The following PDZD7 variants were observed in gnomAD, a reference collection of about 807,000 sequenced individuals.
PDZD7 encodes the protein PDZ domain-containing protein 7.
Under a neutral mutation model 84.7 loss-of-function variants are expected in PDZD7, and 72 were observed. That is an observed-to-expected ratio of 0.85 (90% confidence interval 0.70 to 1.03). The LOEUF (loss-of-function observed/expected upper bound fraction) is 1.03, where lower values mean the gene tolerates loss of function less well. Ranked by LOEUF, PDZD7 falls within the 50% of genes least tolerant of loss-of-function variation. PDZD7 has a pLI of 0.00. For synonymous variants in PDZD7, 594 were observed against 580.7 expected (o/e 1.02, Z -0.33); for missense variants, 1,490 against 1,412.9 (o/e 1.05, Z -0.87).
chr10:101,017,836 AAGG>A, intron 9 of PDZD7: 1 of 176,280 alleles, frequency 5.7e-6, no homozygotes, highest in Non-Finnish European at 1.2e-5. Flanking sequence ...GGAAGGAAGG[AAGG>A]AAAGAAAGAA....
At position 101,010,558 on chromosome 10, in the gene PDZD7, A is replaced by ACGGCTG. The variant is rs1491136099; in HGVS notation, c.2325_2330dup (p.Arg783_Ser784dup). 9.0e-5 allele frequency: 130 copies of ACGGCTG among 1,440,946 alleles called. No individual in the cohort carries two copies. Among genetic ancestry groups the ACGGCTG allele is most frequent in the African/African-American group, 7.4e-4 (50 of 67,480 alleles). 89.3% of individuals were successfully genotyped at this position (1,440,946 alleles called of 1,614,324 possible). ...GGCTGCTGCGGCTGCGGCTGCGGCT[A>ACGGCTG]CGGCTGCGGCTACGGCTCTGAGCCC... On this transcript the variant is annotated inframe_insertion, in exon 15 of 17. Transcript: ENST00000619208.
intron 9 of PDZD7, chr10:101,017,449 A>C: frequency 1.9e-6 from 1 of 519,468 alleles, no homozygotes; most frequent in Non-Finnish European, 3.4e-6. Flanking sequence ...CTGGTCTTAA[A>C]CTCCTGGGCT....
chr10:101,029,544 T>C (rs192566396), intron 2 of PDZD7, among the ~76,000 whole-genome samples: 59 of 152,348 alleles, frequency 3.9e-4, no homozygotes, highest in African/African-American at 1.3e-3. Context: ...GTCTACCCGC[T>C]TGGGCACTGA....
At chr10:101,027,431 G>T (rs1166215499) in intron 2 of PDZD7, among the ~76,000 whole-genome samples, 1 of 152,126 alleles carries the variant, frequency 6.6e-6, no homozygotes, top group Admixed American at 6.5e-5. Context: ...CTTGGAGAAG[G>T]CTTCCTGGAG....
rs1338928801 is a variant in PDZD7 at position 101,018,095 on chromosome 10, T to C, written c.1522+4A>G. The C allele has an allele frequency of 6.2e-7, 1 of 1,614,192 alleles. No individual in the cohort carries two copies. The highest frequency in any genetic ancestry group is 1.1e-5 in the South Asian group (1 of 91,086). On this transcript the variant is annotated splice_donor_region_variant and intron_variant, in intron 9 of 16. Transcript: ENST00000619208. Reference sequence around the variant, plus strand: ...CCTTCCTGTTTGATCAGCCCACTACTTACCTTTCTCTATGTCCAGGCGAGG... The same window carrying C: ...CCTTCCTGTTTGATCAGCCCACTACCTACCTTTCTCTATGTCCAGGCGAGG...
chr10:101,016,156 C>T (rs1027725701), intron 10 of PDZD7, among the ~76,000 whole-genome samples: 1 of 152,222 alleles, frequency 6.6e-6, no homozygotes, highest in African/African-American at 2.4e-5. Flanking sequence ...CCAACACAAG[C>T]TCCTAAAATG....
At chr10:101,026,082 G>T (rs1038716024) in intron 2 of PDZD7, among the ~76,000 whole-genome samples, 1 of 152,030 alleles carries the variant, frequency 6.6e-6, no homozygotes, top group Admixed American at 6.5e-5. Context: ...TCTCCATCAC[G>T]CTGGGGAAAG....
Position 101,009,255 on chromosome 10 carries a change from G to T in PDZD7, c.2713C>A (p.Leu905Met). The T allele has an allele frequency of 6.5e-7, 1 of 1,535,684 alleles. No homozygotes were observed. Among genetic ancestry groups the T allele is most frequent in the African/African-American group, 1.4e-5 (1 of 73,136 alleles). ...CCAGGGCATGCTTCACCCACCTGCA[G>T]GGCCCCACTGAGGAAAGCGGCCCCC... The part of the protein sequence containing the change: ...PGGAAFLSGA[L>M]QAGFELVAVD... The change falls in exon 16 of 17, where the codon CTG becomes ATG. Residue 905 changes from leucine (L) to methionine (M), a missense_variant. Physicochemically the swap from Leu to Met is conservative, Grantham distance 15. Transcript: ENST00000619208.
chr10:101,007,757 A>C lies in PDZD7; in HGVS notation c.*710T>G. The stretch of plus-strand genomic sequence containing the variant: ...CACCCAGGTTTATGGCCTCGTTTTC[A>C]CTTGTATATTTTTCACACTGTAAAT... On this transcript the variant is annotated 3_prime_UTR_variant, in exon 17 of 17. Transcript: ENST00000619208. 1 of 618,070 alleles carries C rather than the reference A, an allele frequency of 1.6e-6. No individual in the cohort carries two copies. Among genetic ancestry groups the C allele is most frequent in the Non-Finnish European group, 2.1e-6 (1 of 486,464 alleles). The allele number at this position is 618,070 out of a possible 1,614,324, so 38.3% of individuals were successfully genotyped here.
intron 15 of PDZD7, among the ~76,000 whole-genome samples, chr10:101,009,685 G>A (rs1482221898): frequency 1.7e-5 from 2 of 120,446 alleles, no homozygotes; most frequent in Non-Finnish European, 1.6e-5. Flanking sequence ...TCGGCTCACC[G>A]CAACCTCCGC....
At chr10:101,027,568 C>A (rs1937794455) in intron 2 of PDZD7, among the ~76,000 whole-genome samples, 1 of 152,180 alleles carries the variant, frequency 6.6e-6, no homozygotes, top group African/African-American at 2.4e-5. Flanking sequence ...CACAGACCCA[C>A]TGGACCAGAA....
chr10:101,013,851 CT>C (rs111945530), intron 11 of PDZD7, among the ~76,000 whole-genome samples: 6,817 of 134,578 alleles, frequency 0.051, 203 homozygotes, highest in African/African-American at 0.067. Context: ...TCTTTTCTTT[CT>C]TTTTTTTTTT....
At position 101,018,967 on chromosome 10, in the gene PDZD7, C is replaced by T. The variant is rs761958699; in HGVS notation, c.1179G>A (p.Arg393=). 1.3e-6 allele frequency: 2 copies of T among 1,594,076 alleles called. No individual in the cohort carries two copies. The highest frequency in any genetic ancestry group is 1.8e-5 in the Admixed American group (1 of 57,026). The stretch of plus-strand genomic sequence containing the variant: ...GGCCGTCCGAGCGGATGGCGGTGTC[C>T]CTGAGGATGACTGTGGGCCGCACGC... ...WCSVRPTVIL[R]DTAIRSDGPH... Residue 393 remains arginine, a synonymous_variant, in exon 8 of 17, where the codon AGG becomes AGA. Transcript: ENST00000619208.
rs1477862651 is a variant in PDZD7, at chr10:101,010,835, T to A, written c.2054A>T (p.Glu685Val). The change falls in exon 15 of 17, where the codon GAG becomes GTG. Residue 685 changes from glutamate to valine, a missense_variant. Physicochemically the swap from Glu to Val is moderately radical, Grantham distance 121. Transcript: ENST00000619208. The part of the protein sequence containing the change: ...YLLPVNGFPE[E>V]EDNGELRERL... ...CTCCCTCAGCTCCCCATTATCTTCC[T>A]CTTCCGGGAAGCCGTTCACCGGCAG... 1.3e-6 allele frequency: 2 copies of A among 1,534,900 alleles called. No homozygotes were observed. The highest frequency in any genetic ancestry group is 2.7e-5 in the African/African-American group (2 of 72,986).
rs1416760729 is a variant in PDZD7 at position 101,012,270 on chromosome 10, G to A, written c.1750-12C>T. 1 of 1,546,924 alleles carries A rather than the reference G, an allele frequency of 6.5e-7. No individual in the cohort carries two copies. The highest frequency in any genetic ancestry group is 1.2e-5 in the South Asian group (1 of 84,012). On this transcript the variant is annotated splice_polypyrimidine_tract_variant and intron_variant, in intron 11 of 16. Coordinates refer to ENST00000619208, the MANE Select transcript of PDZD7 (RefSeq NM_001195263.2). ...CCCTCGTGCACATACTGCAGATAGA[G>A]GCAGCACAGGTCAGACAGCAGTGGG...
In PDZD7 at chr10:101,016,357, T is replaced by C; in HGVS notation, c.1573+20A>G. 1.3e-6 allele frequency: 2 copies of C among 1,550,402 alleles called. No individual in the cohort carries two copies. Reference sequence around the variant, plus strand: ...CGCTCTACTGTAAACTAGGCCTTGGTAAAGGGATGCATGAATTACCACGTC... The same window carrying C: ...CGCTCTACTGTAAACTAGGCCTTGGCAAAGGGATGCATGAATTACCACGTC... On this transcript the variant is annotated intron_variant, in intron 10 of 16. Coordinates refer to ENST00000619208, the MANE Select transcript of PDZD7 (RefSeq NM_001195263.2).
rs1300622259 is a variant in PDZD7 at position 101,017,867 on chromosome 10, GAAA to G, written c.1522+229_1522+231del. ...AGAAAGAAAGAAAGAAAGAAAGAAA[GAAA>G]GAAAGAAAGAAAGAAAGAAAGAAAA... On this transcript the variant is annotated intron_variant, in intron 9 of 16. Coordinates refer to ENST00000619208, the MANE Select transcript of PDZD7 (RefSeq NM_001195263.2). 37 of 418,518 alleles carry G rather than the reference GAAA, an allele frequency of 8.8e-5. No individual in the cohort carries two copies. In the African/African-American group the frequency reaches 9.5e-4, roughly 11 times the overall value. The allele number at this position is 418,518 out of a possible 1,614,324, so 25.9% of individuals were successfully genotyped here. A position where few individuals can be genotyped will look rare whatever the true frequency, so the allele number is the denominator to read the frequency against.
At chr10:101,025,035 T>C (rs1937615789) in intron 2 of PDZD7, among the ~76,000 whole-genome samples, 1 of 152,168 alleles carries the variant, frequency 6.6e-6, no homozygotes, top group Non-Finnish European at 1.5e-5. Context: ...ATTAGTATAT[T>C]AGCTCTATCT....
Position 101,015,782 on chromosome 10 carries a change from C to T in PDZD7, c.1603G>A (p.Ala535Thr). The T allele has an allele frequency of 6.5e-7, 1 of 1,549,492 alleles. No homozygotes were observed. Among genetic ancestry groups the T allele is most frequent in the Non-Finnish European group, 8.7e-7 (1 of 1,146,802 alleles). ...DQERGRALLS[A>T]RSGSPSSQLP... Reference sequence around the variant, plus strand: ...TGGCTGGAGGGACTCCCAGACCTGGCAGACAGCAGGGCCCGGCCCCTCTCC... The same window carrying T: ...TGGCTGGAGGGACTCCCAGACCTGGTAGACAGCAGGGCCCGGCCCCTCTCC... The change falls in exon 11 of 17, where the codon GCC becomes ACC. Residue 535 changes from alanine (A) to threonine (T), a missense_variant. Ala to Thr is a moderately conservative substitution (Grantham distance 58). Transcript: ENST00000619208.
Sources: gnomAD v4.1 joint callset for allele counts (sites outside exome capture counted in the v4.1 genomes callset) on GRCh38, gnomAD v4.1.1 for gene constraint, MANE v1.5 for transcripts, NCBI Gene and HGNC (gene_info 2026-07-23, HGNC 2026-07-21) for gene names.